GLB1L3: variants seen among roughly 807,000 people sequenced by gnomAD.
GLB1L3 encodes beta-galactosidase-1-like protein 3.
GLB1L3 carries 89 observed loss-of-function variants against 89.5 expected under a neutral mutation model. The observed-to-expected ratio is 0.99, with a 90% confidence interval of 0.84 to 1.19. GLB1L3 has a LOEUF of 1.19. Among genes scored for constraint, GLB1L3 ranks in the 50% most tolerant of loss-of-function variants. GLB1L3 has a pLI of 0.00. For missense variants in GLB1L3, 812 were observed against 813.3 expected (o/e 1.00, Z 0.02); for synonymous variants, 314 against 312.3 (o/e 1.01, Z -0.06).
Position 134,293,730 on chromosome 11 carries a change from G to A in GLB1L3, c.876+521G>A, listed in dbSNP as rs902097151. Among the ~76,000 whole-genome samples, 580 of 113,880 alleles carry A rather than the reference G, an allele frequency of 5.1e-3. 4 individuals carry two copies. The highest frequency in any genetic ancestry group is 0.015 in the African/African-American group (555 of 36,412). The allele number at this position is 113,880 out of a possible 152,430, so 74.7% of individuals were successfully genotyped here. On this transcript the variant is annotated intron_variant, in intron 9 of 19. Transcript: ENST00000431683. ...CAGGGAGTACATCTGTCCTTTCTCT[G>A]CAGCCTCCAGGGAGTACATCATCTG...
chr11:134,279,834 C>G (rs1194428794), intron 3 of GLB1L3, among the ~76,000 whole-genome samples: 2 of 151,970 alleles, frequency 1.3e-5, no homozygotes, highest in Non-Finnish European at 2.9e-5. Flanking sequence ...TGTTAGTACT[C>G]TCTGTATATT....
At chr11:134,305,369 G>A (rs1467476163) in intron 9 of GLB1L3, 7 of 471,306 alleles carry the variant, frequency 1.5e-5, no homozygotes, top group South Asian at 8.3e-5. Context: ...TAAAATCTTC[G>A]ACAAAGAGCA....
chr11:134,307,307 C>A, intron 10 of GLB1L3, 99 bp downstream of exon 10: 1 of 867,416 alleles, frequency 1.2e-6, no homozygotes, highest in Non-Finnish European at 1.8e-6. Flanking sequence ...CTTGATCAGC[C>A]GTAGATATTC....
intron 7 of GLB1L3, among the ~76,000 whole-genome samples, chr11:134,290,737 G>A (rs891331478): frequency 2.0e-5 from 3 of 152,048 alleles, no homozygotes; most frequent in Non-Finnish European, 4.4e-5. Flanking sequence ...CCCCATCCCT[G>A]CAGCCATGGC....
chr11:134,322,444 T>C (rs1046984682), downstream of GLB1L3, among the ~76,000 whole-genome samples: 20 of 152,230 alleles, frequency 1.3e-4, no homozygotes, highest in African/African-American at 4.8e-4. Flanking sequence ...TTGTAAACTC[T>C]TTTAAAGTCT....
the GLB1L3 span, among the ~76,000 whole-genome samples, chr11:134,324,790 CACAT>C: frequency 2.0e-5 from 3 of 151,954 alleles, no homozygotes; most frequent in Non-Finnish European, 2.9e-5. Context: ...TTATAAAAAA[CACAT>C]GCATGTTGTT....
rs115231023 is a variant in GLB1L3, at chr11:134,286,298, C to T, written c.636+2453C>T. ...GAGAGAGAGCTTAGGAATGGTGTTG[C>T]TGCAATACAGTTTTGAGAGACGGGC... On this transcript the variant is annotated intron_variant, in intron 6 of 19. Transcript: ENST00000431683. Among the ~76,000 whole-genome samples the T allele has an allele frequency of 9.1e-3, 1,382 of 152,298 alleles. 22 individuals carry two copies. Among genetic ancestry groups the T allele is most frequent in the African/African-American group, 0.032 (1,310 of 41,548 alleles).
At chr11:134,322,808 T>C (rs1406481450), downstream of GLB1L3, among the ~76,000 whole-genome samples, 1 of 152,248 alleles carries the variant, frequency 6.6e-6, no homozygotes, top group East Asian at 1.9e-4. Context: ...TGTTTATCCA[T>C]TCATCAGTGG....
chr11:134,312,589 A>C lies in GLB1L3; in HGVS notation c.1428+100A>C. 2.8e-6 allele frequency: 4 copies of C among 1,430,736 alleles called. No individual in the cohort carries two copies. The South Asian group carries it at 5.1e-5, about 18-fold the overall frequency. The allele number at this position is 1,430,736 out of a possible 1,614,324, so 88.6% of individuals were successfully genotyped here. A position where few individuals can be genotyped will look rare whatever the true frequency, so the allele number is the denominator to read the frequency against. On this transcript the variant is annotated intron_variant, in intron 14 of 19. Transcript: ENST00000431683. ...GAAGGATGCACGTTGCTGTTTGGTG[A>C]CCTACTATATGGGAGGCATTGGGAC...
intron 15 of GLB1L3, 137 bp downstream of exon 15, chr11:134,313,024 T>G: frequency 1.4e-6 from 1 of 712,532 alleles, no homozygotes; most frequent in Non-Finnish European, 2.5e-6. Context: ...GCAGGAAGTG[T>G]GCAGGGCTGG....
chr11:134,293,882 C>T (rs1040856734), intron 9 of GLB1L3, among the ~76,000 whole-genome samples: 2 of 152,014 alleles, frequency 1.3e-5, no homozygotes, highest in Non-Finnish European at 2.9e-5. Context: ...ACGCCTTGGC[C>T]AGCTGGGCCG....
chr11:134,287,333 T>C (rs189375079), intron 6 of GLB1L3: 2 of 152,178 alleles, frequency 1.3e-5, no homozygotes, highest in African/African-American at 4.8e-5. Context: ...TAAGGGTAAG[T>C]GAAATGTAAT....
Position 134,276,783 on chromosome 11 carries a change from G to T in GLB1L3, c.23+20G>T. 7.0e-7 allele frequency: 1 copy of T among 1,421,906 alleles called. No individual in the cohort carries two copies. Among genetic ancestry groups the T allele is most frequent in the South Asian group, 1.5e-5 (1 of 68,800 alleles). 88.1% of individuals were successfully genotyped at this position (1,421,906 alleles called of 1,614,324 possible). A position where few individuals can be genotyped will look rare whatever the true frequency, so the allele number is the denominator to read the frequency against. On this transcript the variant is annotated intron_variant, in intron 1 of 19. Transcript: ENST00000431683. ...CCTCAGGTGACGGATCGCCGCTGCC[G>T]TCCCGGGCTGCCCACCACCCCGGCG...
Position 134,277,405 on chromosome 11 carries a change from C to T in GLB1L3, c.103C>T (p.Gln35Ter), listed in dbSNP as rs777245399. The change falls in exon 2 of 20, where the codon CAG (glutamine) becomes TAG (stop). Residue 35 changes from glutamine (Q) to a stop codon, truncating the protein, a stop_gained. Coordinates refer to ENST00000431683, the MANE Select transcript of GLB1L3 (RefSeq NM_001080407.3). LOFTEE classifies it high-confidence loss of function. ...ISSGFAPRFKQEENFMLGRAH... is the reference protein window; with the variant it reads ...ISSGFAPRFK ...ATCAGGTTTTGCTCCTCGGTTTAAG[C>T]AGGAAGAGAACTTCATGCTTGGAAG... 6.2e-7 allele frequency: 1 copy of T among 1,613,896 alleles called. No homozygotes were observed. Among genetic ancestry groups the T allele is most frequent in the East Asian group, 2.2e-5 (1 of 44,858 alleles).
chr11:134,278,444 C>G (rs1386031073), intron 3 of GLB1L3, among the ~76,000 whole-genome samples: 2 of 152,084 alleles, frequency 1.3e-5, no homozygotes, highest in Non-Finnish European at 2.9e-5. Flanking sequence ...GCCACCACAC[C>G]AGGCTAATTT....
chr11:134,311,864 A>G (rs998316905), intron 13 of GLB1L3: 1 of 153,198 alleles, frequency 6.5e-6, no homozygotes, highest in African/African-American at 2.4e-5. Context: ...TGGCACAATC[A>G]TGGCTCACTG....
intron 18 of GLB1L3, among the ~76,000 whole-genome samples, chr11:134,316,614 G>A (rs768365444): frequency 1.3e-5 from 2 of 152,090 alleles, no homozygotes; most frequent in African/African-American, 2.4e-5. Flanking sequence ...AGTAGACTTC[G>A]GTATGTGCAT....
Position 134,318,927 on chromosome 11 carries a change from C to T in GLB1L3, c.1947C>T (p.Asp649=). 1.2e-6 allele frequency: 2 copies of T among 1,609,028 alleles called. No individual in the cohort carries two copies. Among genetic ancestry groups the T allele is most frequent in the Non-Finnish European group, 8.5e-7 (1 of 1,176,278 alleles). The change falls in exon 20 of 20, where the codon GAC becomes GAT. Residue 649 remains aspartate (D), a synonymous_variant. Transcript: ENST00000431683. ...GTGGCTCAGATATCAAATCTACAGA[C>T]AAGCCCACGCTGTAAAACTGTGTCT... The part of the protein sequence containing the change: ...MMSGSDIKST[D]KPTL
downstream of GLB1L3, among the ~76,000 whole-genome samples, chr11:134,324,200 C>T (rs1382370272): frequency 6.6e-6 from 1 of 152,192 alleles, no homozygotes; most frequent in African/African-American, 2.4e-5. Context: ...CAAACTTAAT[C>T]TACCGTACCC....
Sources: gnomAD v4.1 joint callset for allele counts (sites outside exome capture counted in the v4.1 genomes callset) on GRCh38, gnomAD v4.1.1 for gene constraint, MANE v1.5 for transcripts, NCBI Gene and HGNC (gene_info 2026-07-23, HGNC 2026-07-21) for gene names.